CABIN1: variants seen among roughly 807,000 people sequenced by gnomAD.
The protein encoded by CABIN1 is calcineurin-binding protein cabin-1.
Under a neutral mutation model 227.7 loss-of-function variants are expected in CABIN1, and 133 were observed. That is an observed-to-expected ratio of 0.58 (90% CI 0.51 to 0.67). CABIN1 has a LOEUF of 0.67. Among genes scored for constraint, CABIN1 ranks in the 30% least tolerant of loss-of-function variants. The probability of loss-of-function intolerance (pLI) is 0.00; values close to 1 mark genes in which losing one functional copy is unlikely to be tolerated. For missense variants in CABIN1, 2,408 were observed against 2,852.5 expected, an observed-to-expected ratio of 0.84 and a Z score of 3.55; for synonymous variants, 1,086 against 1,155.1, an observed-to-expected ratio of 0.94 and a Z score of 1.21.
At position 24,045,951 on chromosome 22, in the gene CABIN1, G is replaced by A. The variant is rs529207282; in HGVS notation, c.526+2867G>A. On this transcript the variant is annotated intron_variant, in intron 6 of 36. Transcript: ENST00000263119. ...AGGTACATAAATCTGAGACCTGTCA[G>A]TTTGTATATGTGAAAACATGTCAAG... Among the ~76,000 whole-genome samples the A allele has an allele frequency of 1.8e-4, 27 of 152,324 alleles. No individual in the cohort carries two copies. The South Asian group carries it at 2.5e-3, about 14-fold the overall frequency.
rs558389068 is a variant in CABIN1, at chr22:24,089,428, G to A, written c.3525+1715G>A. Among the ~76,000 whole-genome samples the A allele has an allele frequency of 5.4e-4, 83 of 152,336 alleles. 1 individual carries two copies. The South Asian group carries it at 0.016, about 30-fold the overall frequency. ...GAAGCCATTGGCCCAGGAAGCTCAG[G>A]TCCTGAAACTGGGTTCCCAAGCCAT... On this transcript the variant is annotated intron_variant, in intron 23 of 36. Transcript: ENST00000263119.
In CABIN1 at chr22:24,171,693, C is replaced by T. The variant is rs2046820769; in HGVS notation, c.5758-20C>T. The T allele has an allele frequency of 6.8e-6, 11 of 1,613,848 alleles. No homozygotes were observed. In the East Asian group the frequency reaches 1.8e-4, roughly 26 times the overall value. ...AGGGCTGCCTAGCCAGCCTTTCTCA[C>T]CTCTTGTTTGTCCTCACAGGCCTCG... On this transcript the variant is annotated intron_variant, in intron 33 of 36. Transcript: ENST00000263119.
chr22:24,038,230 C>T (rs2037075546), intron 3 of CABIN1, 118 bp from the exon 4 acceptor site: 2 of 769,546 alleles, frequency 2.6e-6, no homozygotes, highest in Admixed American at 3.8e-5. Flanking sequence ...GCTGAAAGTT[C>T]CAGCTATCTA....
At chr22:24,175,527 G>A (rs1215141607) in intron 34 of CABIN1, among the ~76,000 whole-genome samples, 4 of 152,212 alleles carry the variant, frequency 2.6e-5, no homozygotes, top group Non-Finnish European at 5.9e-5. Flanking sequence ...CCTGGGAACC[G>A]GGGACCGATG....
At chr22:24,164,800 C>T (rs187140385) in intron 30 of CABIN1, among the ~76,000 whole-genome samples, 4 of 152,292 alleles carry the variant, frequency 2.6e-5, no homozygotes, top group Non-Finnish European at 4.4e-5. Context: ...CCTGGTTCCA[C>T]GTTGAGACTC....
intron 6 of CABIN1, among the ~76,000 whole-genome samples, chr22:24,048,146 T>G (rs1193579001): frequency 1.3e-5 from 2 of 152,226 alleles, no homozygotes; most frequent in Admixed American, 6.5e-5. Context: ...TCTTAAATTG[T>G]AGGCAGTAGC....
chr22:24,117,806 T>C (rs1010600137), intron 27 of CABIN1, among the ~76,000 whole-genome samples: 1 of 152,256 alleles, frequency 6.6e-6, no homozygotes, highest in South Asian at 2.1e-4. Context: ...GCCTGCATCA[T>C]CATCTGATTC....
intron 26 of CABIN1, among the ~76,000 whole-genome samples, chr22:24,098,524 G>T (rs1189126325): frequency 6.6e-6 from 1 of 152,206 alleles, no homozygotes; most frequent in Non-Finnish European, 1.5e-5. Context: ...TTAGAAGAGT[G>T]TGGCCTCCTG....
At chr22:24,056,489 G>A in intron 10 of CABIN1, 129 bp downstream of exon 10, 8 of 924,674 alleles carry the variant, frequency 8.7e-6, no homozygotes, top group Non-Finnish European at 1.4e-5. Flanking sequence ...TAACATCTGT[G>A]CAGATGTCTG....
chr22:24,025,512 A>G (rs944202204), intron 1 of CABIN1, among the ~76,000 whole-genome samples: 12 of 152,228 alleles, frequency 7.9e-5, no homozygotes, highest in Non-Finnish European at 1.3e-4. Flanking sequence ...CAGCCACTTT[A>G]GGAACATGAG....
intron 29 of CABIN1, among the ~76,000 whole-genome samples, chr22:24,136,123 C>G (rs1306529872): frequency 2.0e-5 from 3 of 152,216 alleles, no homozygotes; most frequent in Non-Finnish European, 4.4e-5. Flanking sequence ...TTTCTTGTCT[C>G]ATGTGTGTCC....
chr22:24,129,058 A>T (rs2043904471), intron 28 of CABIN1, among the ~76,000 whole-genome samples: 1 of 152,224 alleles, frequency 6.6e-6, no homozygotes, highest in South Asian at 2.1e-4. Context: ...CCACCATACA[A>T]TAGTGACAGA....
chr22:24,048,695 T>C (rs576078444), intron 6 of CABIN1, among the ~76,000 whole-genome samples: 5 of 152,240 alleles, frequency 3.3e-5, no homozygotes, highest in Non-Finnish European at 4.4e-5. Flanking sequence ...GTTGGGATTA[T>C]AGGCGTGAGC....
chr22:24,090,222 G>C (rs2147191523), intron 23 of CABIN1, among the ~76,000 whole-genome samples: 1 of 152,348 alleles, frequency 6.6e-6, no homozygotes. Flanking sequence ...TGCCAGCCCA[G>C]ATGGGCCACT....
chr22:24,065,887 G>T (rs1438651477), intron 15 of CABIN1, among the ~76,000 whole-genome samples: 2 of 152,188 alleles, frequency 1.3e-5, no homozygotes, highest in Non-Finnish European at 2.9e-5. Context: ...GCCTGCAATC[G>T]CAGGCACTCG....
At chr22:24,135,839 G>A (rs1461511995) in intron 29 of CABIN1, among the ~76,000 whole-genome samples, 3 of 152,200 alleles carry the variant, frequency 2.0e-5, no homozygotes, top group Admixed American at 2.0e-4. Context: ...CAGGGTACGT[G>A]GGCAGGCAGG....
intron 28 of CABIN1, among the ~76,000 whole-genome samples, chr22:24,127,324 G>A (rs1401763025): frequency 6.6e-6 from 1 of 152,178 alleles, no homozygotes; most frequent in Non-Finnish European, 1.5e-5. Context: ...CAACTCCACA[G>A]GGAGGGAATT....
chr22:24,119,722 G>T, intron 28 of CABIN1, 24 bp downstream of exon 28: 10 of 1,606,030 alleles, frequency 6.2e-6, no homozygotes, highest in Non-Finnish European at 8.5e-6. Context: ...GGGCCAAGGG[G>T]GCTTGGATCT....
intron 26 of CABIN1, among the ~76,000 whole-genome samples, chr22:24,100,844 T>C (rs1273742286): frequency 6.6e-6 from 1 of 152,230 alleles, no homozygotes; most frequent in Non-Finnish European, 1.5e-5. Context: ...AATGGGGTAA[T>C]GTCTTCGTTA....
Sources: gnomAD v4.1 joint callset for allele counts (sites outside exome capture counted in the v4.1 genomes callset) on GRCh38, gnomAD v4.1.1 for gene constraint, MANE v1.5 for transcripts, NCBI Gene and HGNC (gene_info 2026-07-23, HGNC 2026-07-21) for gene names.